The following GPR17 variants were observed in gnomAD, a reference collection of about 807,000 sequenced individuals.
GPR17 encodes uracil nucleotide/cysteinyl leukotriene receptor.
A neutral mutation model predicts 1.5 loss-of-function variants in GPR17; 4 were observed. The ratio of observed to expected loss-of-function variants is 2.73; its 90% CI spans 1.35 to 6.25. GPR17 has a LOEUF of 6.25. Among genes scored for constraint, GPR17 ranks in the 30% most tolerant of loss-of-function variants. The pLI, the probability that GPR17 is intolerant of heterozygous loss-of-function variation, is 0.00. For synonymous variants in GPR17, 209 were observed against 207.6 expected (o/e 1.01, Z -0.06); for missense variants, 463 against 462.1 (o/e 1.00, Z -0.02).
intron 1 of GPR17, among the ~76,000 whole-genome samples, chr2:127,649,547 TG>T (rs889459810): frequency 2.0e-4 from 31 of 152,362 alleles, no homozygotes; most frequent in African/African-American, 7.5e-4. Flanking sequence ...TGTCCTGCCC[TG>T]GTTCCGGGCT....
chr2:127,650,052 C>T (rs776783827), intron 1 of GPR17: 3 of 1,608,078 alleles, frequency 1.9e-6, no homozygotes, highest in Non-Finnish European at 2.5e-6. Flanking sequence ...AGAAAGCCCC[C>T]AAGAGAGATG....
chr2:127,650,212 G>A, intron 1 of GPR17: 1 of 747,554 alleles, frequency 1.3e-6, no homozygotes, highest in Admixed American at 2.3e-5. Context: ...CTGCACCTGT[G>A]GGCAGGTGGG....
intron 1 of GPR17, among the ~76,000 whole-genome samples, chr2:127,648,976 AGGG>A (rs1683317934): frequency 8.1e-5 from 1 of 12,364 alleles, no homozygotes. Context: ...GGGGGAGGGG[AGGG>A]AGGGGAGGGG....
Position 127,647,014 on chromosome 2 carries a change from G to A in GPR17, c.-21+770G>A, listed in dbSNP as rs184400228. 9.8e-4 allele frequency among the ~76,000 whole-genome samples: 149 copies of A among 152,250 alleles called. 1 individual carries two copies. The East Asian group carries it at 0.019, about 20-fold the overall frequency. On this transcript the variant is annotated intron_variant, in intron 1 of 1. Transcript: ENST00000486700. The surrounding 1 kb of genome is among the most constrained non-coding windows in gnomAD (Gnocchi z 4.3). ...AGAGAGAGCGAGGGGCACGCCCTTC[G>A]GCCCGGGCAGGAAGTGGAGGGCAGT... is the stretch of plus-strand genomic sequence containing the variant.
In GPR17 at chr2:127,647,935, T is replaced by G; in HGVS notation, c.-21+1691T>G. 4 of 799,252 alleles carry G rather than the reference T, an allele frequency of 5.0e-6. No homozygotes were observed. The highest frequency in any genetic ancestry group is 6.1e-6 in the Non-Finnish European group (4 of 659,590). The allele number at this position is 799,252 out of a possible 1,614,324, so 49.5% of individuals were successfully genotyped here. A position where few individuals can be genotyped will look rare whatever the true frequency, so the allele number is the denominator to read the frequency against. ...CTCACAGGCCCTGTCAAGGGCTGTGTTCCTCCCTCCTTTTACCTCTCCTCC... is the reference window on the plus strand; with the variant it reads ...CTCACAGGCCCTGTCAAGGGCTGTGGTCCTCCCTCCTTTTACCTCTCCTCC... On this transcript the variant is annotated intron_variant, in intron 1 of 1. Coordinates refer to ENST00000486700, the MANE Select transcript of GPR17 (RefSeq NM_001161417.2). This position sits in a 1 kb window ranked among gnomAD's most constrained non-coding sequence, Gnocchi z 4.3.
intron 1 of GPR17, among the ~76,000 whole-genome samples, chr2:127,649,180 G>GA (rs1400354975): frequency 0.018 from 2,113 of 115,172 alleles, 21 homozygotes; most frequent in Middle Eastern, 0.058. Context: ...AGGAAGGAAG[G>GA]AAGGAAGGAA....
chr2:127,650,000 C>T (rs755738933), intron 1 of GPR17: 2 of 1,603,902 alleles, frequency 1.2e-6, no homozygotes, highest in Non-Finnish European at 1.7e-6. Context: ...ACAGGTCTCC[C>T]CACCTGTCAG....
chr2:127,650,022 G>C (rs200450704), intron 1 of GPR17: 1 of 1,608,454 alleles, frequency 6.2e-7, no homozygotes, highest in African/African-American at 1.3e-5. Flanking sequence ...ATGTCCAAAC[G>C]GAGTTGGTGG....
In GPR17 at chr2:127,651,103, C is replaced by A. The variant is rs902189141; in HGVS notation, c.368C>A (p.Thr123Asn). The A allele has an allele frequency of 1.2e-6, 2 of 1,613,552 alleles. No individual in the cohort carries two copies. The highest frequency in any genetic ancestry group is 1.7e-5 in the Admixed American group (1 of 60,012). ...LNMYASIYFL[T>N]CISADRFLAI... ...ATGTACGCCAGCATCTACTTCCTCA[C>A]CTGCATCAGCGCCGACCGTTTCCTG... The change falls in exon 2 of 2, where the codon ACC (threonine) becomes AAC (asparagine). Residue 123 changes from threonine (T) to asparagine (N), a missense_variant. Transcript: ENST00000486700.
At position 127,647,631 on chromosome 2, in the gene GPR17, AG is replaced by A. The variant is rs767010701; in HGVS notation, c.-21+1390del. 2.3e-4 allele frequency among the ~76,000 whole-genome samples: 35 copies of A among 152,072 alleles called. No individual in the cohort carries two copies. The highest frequency in any genetic ancestry group is 3.8e-4 in the Non-Finnish European group (26 of 67,946). ...CCCTTCCCACCCCCAGGTTCTAACA[AG>A]GGCCCCTCACTCACTGGGCCCCCTC... On this transcript the variant is annotated intron_variant, in intron 1 of 1. Transcript: ENST00000486700. The surrounding 1 kb of genome is among the most constrained non-coding windows in gnomAD (Gnocchi z 4.3).
intron 1 of GPR17, 177 bp downstream of exon 1, chr2:127,646,421 G>A (rs1334244904): frequency 1.3e-5 from 2 of 152,348 alleles, no homozygotes; most frequent in Non-Finnish European, 2.9e-5. Context: ...AGCCCACAAA[G>A]CGGTGTTTCG....
At chr2:127,648,168 T>C (rs541639606) in intron 1 of GPR17, 1 of 985,158 alleles carries the variant, frequency 1.0e-6, no homozygotes, top group African/African-American at 1.7e-5. Context: ...GGGGTCCCCA[T>C]GAGGAACTCC....
intron 1 of GPR17, chr2:127,650,334 A>G: frequency 1.8e-6 from 1 of 557,004 alleles, no homozygotes; most frequent in East Asian, 3.0e-5. Flanking sequence ...CACCCCTGTC[A>G]CTCAGACAGC....
rs1683719246 is a variant in GPR17, at chr2:127,651,081, T to C, written c.346T>C (p.Tyr116His). The change falls in exon 2 of 2, where the codon TAC becomes CAC. Residue 116 changes from tyrosine to histidine, a missense_variant. By Grantham distance (83) the Tyr-to-His change is moderately conservative (BLOSUM62 2). Transcript: ENST00000486700. ...LTGFLFYLNM[Y>H]ASIYFLTCIS... ...CGGCTTCCTCTTCTACCTCAACATG[T>C]ACGCCAGCATCTACTTCCTCACCTG... 6.2e-7 allele frequency: 1 copy of C among 1,613,576 alleles called. No homozygotes were observed. Among genetic ancestry groups the C allele is most frequent in the South Asian group, 1.1e-5 (1 of 91,092 alleles).
At position 127,650,886 on chromosome 2, in the gene GPR17, C is replaced by G; in HGVS notation, c.151C>G (p.Leu51Val). Reference protein sequence around the residue: ...DFILALVGNTLALWLFIRDHK... With the variant: ...DFILALVGNTVALWLFIRDHK... ...TATCCTGGCTTTAGTTGGCAATACC[C>G]TGGCTCTGTGGCTTTTCATCCGAGA... Residue 51 changes from leucine to valine, a missense_variant, in exon 2 of 2, where the codon CTG (leucine) becomes GTG (valine). Coordinates refer to ENST00000486700, the MANE Select transcript of GPR17 (RefSeq NM_001161417.2). 1 of 1,614,128 alleles carries G rather than the reference C, an allele frequency of 6.2e-7. No homozygotes were observed. Among genetic ancestry groups the G allele is most frequent in the Non-Finnish European group, 8.5e-7 (1 of 1,180,046 alleles).
chr2:127,649,456 G>GC (rs1364117497), intron 1 of GPR17, among the ~76,000 whole-genome samples: 1 of 152,230 alleles, frequency 6.6e-6, no homozygotes, highest in Non-Finnish European at 1.5e-5. Context: ...GCCCAGAGGA[G>GC]CCCCAGAAGC....
At chr2:127,649,865 C>G in intron 1 of GPR17, 1 of 690,784 alleles carries the variant, frequency 1.4e-6, no homozygotes, top group East Asian at 2.7e-5. Context: ...TGGCCAGTGT[C>G]TCTGACGCTG....
At position 127,651,204 on chromosome 2, in the gene GPR17, G is replaced by T; in HGVS notation, c.469G>T (p.Val157Leu). ...YAHLACAFLW[V>L]VVAVAMAPLL... The stretch of plus-strand genomic sequence containing the variant: ...ACACCTGGCCTGTGCCTTCCTGTGG[G>T]TGGTGGTGGCTGTGGCCATGGCCCC... Residue 157 changes from valine (V) to leucine (L), a missense_variant, in exon 2 of 2, where the codon GTG (valine) becomes TTG (leucine). Coordinates refer to ENST00000486700, the MANE Select transcript of GPR17 (RefSeq NM_001161417.2). The T allele has an allele frequency of 6.2e-7, 1 of 1,610,542 alleles. No individual in the cohort carries two copies. Among genetic ancestry groups the T allele is most frequent in the Non-Finnish European group, 8.5e-7 (1 of 1,179,718 alleles).
At chr2:127,649,224 T>C (rs1214905228) in intron 1 of GPR17, among the ~76,000 whole-genome samples, 1 of 86,644 alleles carries the variant, frequency 1.2e-5, no homozygotes. Context: ...CAGGGAGAAA[T>C]GTGCAGAGTG....
Sources: gnomAD v4.1 joint callset for allele counts (sites outside exome capture counted in the v4.1 genomes callset) on GRCh38, gnomAD v4.1.1 for gene constraint, Gnocchi (gnomAD v3.1) non-coding constraint, MANE v1.5 for transcripts, NCBI Gene and HGNC (gene_info 2026-07-23, HGNC 2026-07-21) for gene names.